The following CDC5L variants were observed in gnomAD, a reference collection of about 807,000 sequenced individuals.
CDC5L encodes cell division cycle 5 like.
A neutral mutation model predicts 104.1 loss-of-function variants in CDC5L; 18 were observed. The observed-to-expected ratio is 0.17, with a 90% confidence interval of 0.12 to 0.26. The LOEUF (loss-of-function observed/expected upper bound fraction) is 0.26. CDC5L is among the 10% of genes least tolerant of loss of function. The probability of loss-of-function intolerance (pLI) is 1.00; values close to 1 mark genes in which losing one functional copy is unlikely to be tolerated. For synonymous variants in CDC5L, 331 were observed against 322.7 expected (o/e 1.03, Z -0.28); for missense variants, 673 against 956.9 (o/e 0.70, Z 3.91).
At chr6:44,423,591 G>C (rs1313334061) in intron 10 of CDC5L, among the ~76,000 whole-genome samples, 12 of 152,152 alleles carry the variant, frequency 7.9e-5, no homozygotes, top group Admixed American at 7.9e-4. Flanking sequence ...GAAGGAGGGT[G>C]GGGGCTGTCT....
At chr6:44,424,971 C>T (rs856598) in intron 11 of CDC5L, among the ~76,000 whole-genome samples, 2,405 of 152,122 alleles carry the variant, frequency 0.016, 26 homozygotes, top group African/African-American at 0.028. Flanking sequence ...CTCAGCTGCT[C>T]GAGAGGCTGA....
intron 9 of CDC5L, among the ~76,000 whole-genome samples, chr6:44,420,593 G>A (rs952424307): frequency 2.0e-5 from 3 of 151,796 alleles, no homozygotes; most frequent in Non-Finnish European, 4.4e-5. Context: ...CCTGACCTCA[G>A]GTAATCCACC....
chr6:44,393,084 T>C (rs997833445), intron 3 of CDC5L, among the ~76,000 whole-genome samples: 5 of 148,862 alleles, frequency 3.4e-5, no homozygotes, highest in Admixed American at 3.4e-4. Flanking sequence ...GGGGAAAAAA[T>C]AGTAAAAGAG....
chr6:44,434,521 A>G (rs943082852), intron 14 of CDC5L, among the ~76,000 whole-genome samples: 2 of 152,164 alleles, frequency 1.3e-5, no homozygotes, highest in African/African-American at 2.4e-5. Context: ...CTTGACTATT[A>G]TATGGGATCA....
intron 9 of CDC5L, among the ~76,000 whole-genome samples, chr6:44,421,145 A>G (rs953020342): frequency 1.2e-4 from 18 of 152,186 alleles, no homozygotes; most frequent in Admixed American, 2.6e-4. Flanking sequence ...ATATTTTACT[A>G]TATTTGCTTT....
chr6:44,405,536 G>A (rs11571948), intron 6 of CDC5L, among the ~76,000 whole-genome samples: 2,052 of 152,236 alleles, frequency 0.013, 22 homozygotes, highest in East Asian at 0.04. Flanking sequence ...TATTAAGACA[G>A]CCTTTTTAAA....
chr6:44,414,910 G>A (rs1257386063), intron 8 of CDC5L, among the ~76,000 whole-genome samples: 6 of 152,004 alleles, frequency 3.9e-5, no homozygotes, highest in African/African-American at 1.4e-4. Flanking sequence ...TATAGTTTTA[G>A]TGCTTACATT....
At position 44,392,803 on chromosome 6, in the gene CDC5L, T is replaced by G; in HGVS notation, c.286T>G (p.Cys96Gly). The G allele has an allele frequency of 6.2e-7, 1 of 1,614,038 alleles. No homozygotes were observed. Among genetic ancestry groups the G allele is most frequent in the Non-Finnish European group, 8.5e-7 (1 of 1,179,930 alleles). Residue 96 changes from cysteine to glycine, a missense_variant, in exon 3 of 16, where the codon TGC becomes GGC. Transcript: ENST00000371477. ...APIIGRTAAQ[C>G]LEHYEFLLDK... The stretch of plus-strand genomic sequence containing the variant: ...AATCATTGGAAGAACAGCGGCCCAG[T>G]GCTTAGAACACTATGAATTTCTTCT...
At chr6:44,391,015 A>C (rs867504291) in intron 2 of CDC5L, among the ~76,000 whole-genome samples, 1 of 120,042 alleles carries the variant, frequency 8.3e-6, no homozygotes, top group East Asian at 2.1e-4. Flanking sequence ...GTTATATATT[A>C]TATATTAAAC....
chr6:44,437,371 G>A lies in CDC5L; in HGVS notation c.2091+7461G>A, dbSNP rs189932729. Reference sequence around the variant, plus strand: ...GTGTTTTAATAATCAAATGACAGGCGTAAGATAACTAAGTTCAACTTGAAT... The same window carrying A: ...GTGTTTTAATAATCAAATGACAGGCATAAGATAACTAAGTTCAACTTGAAT... On this transcript the variant is annotated intron_variant, in intron 14 of 15. Coordinates refer to ENST00000371477, the MANE Select transcript of CDC5L (RefSeq NM_001253.4). Among the ~76,000 whole-genome samples, 178 of 152,272 alleles carry A rather than the reference G, an allele frequency of 1.2e-3. 1 individual carries two copies. The highest frequency in any genetic ancestry group is 4.0e-3 in the African/African-American group (167 of 41,554).
At chr6:44,440,573 A>G (rs1793137741) in intron 14 of CDC5L, among the ~76,000 whole-genome samples, 1 of 152,106 alleles carries the variant, frequency 6.6e-6, no homozygotes, top group Non-Finnish European at 1.5e-5. Context: ...TTAATTGACA[A>G]ATAATAATTG....
Position 44,449,525 on chromosome 6 carries a change from G to A in CDC5L, c.*2814G>A, listed in dbSNP as rs1236456532. 1 of 152,078 alleles carries A rather than the reference G, an allele frequency of 6.6e-6. No individual in the cohort carries two copies. The allele number at this position is 152,078 out of a possible 1,614,324, so 9.4% of individuals were successfully genotyped here. On this transcript the variant is annotated 3_prime_UTR_variant, in exon 16 of 16. Coordinates refer to ENST00000371477, the MANE Select transcript of CDC5L (RefSeq NM_001253.4). ...AATAATAAAAATAACATTCACATTGGTATTGTTCACTAAGGTATTGGTTGT... is the reference window on the plus strand; with the variant it reads ...AATAATAAAAATAACATTCACATTGATATTGTTCACTAAGGTATTGGTTGT...
At chr6:44,419,316 T>C (rs982948402) in intron 8 of CDC5L, 133 bp from the exon 9 acceptor site, 1 of 752,020 alleles carries the variant, frequency 1.3e-6, no homozygotes, top group African/African-American at 1.8e-5. Flanking sequence ...TGGTATTCAT[T>C]TTCTCTGTTA....
intron 14 of CDC5L, among the ~76,000 whole-genome samples, chr6:44,439,854 A>C (rs767507374): frequency 5.3e-5 from 8 of 152,168 alleles, no homozygotes; most frequent in African/African-American, 1.9e-4. Context: ...AGAAATGGAG[A>C]CACATAGGTT....
At chr6:44,407,239 AG>A (rs1293395374) in intron 7 of CDC5L, among the ~76,000 whole-genome samples, 1 of 152,102 alleles carries the variant, frequency 6.6e-6, no homozygotes, top group African/African-American at 2.4e-5. Context: ...TGTGGAGAAA[AG>A]CGATACAAAC....
intron 14 of CDC5L, among the ~76,000 whole-genome samples, chr6:44,436,145 G>A (rs1197307514): frequency 1.3e-5 from 2 of 152,146 alleles, no homozygotes; most frequent in African/African-American, 2.4e-5. Context: ...GATACTGTAT[G>A]ATTAGCAAAT....
At chr6:44,396,282 C>A in intron 4 of CDC5L, 59 bp from the exon 5 acceptor site, 1 of 1,083,832 alleles carries the variant, frequency 9.2e-7, no homozygotes, top group Non-Finnish European at 1.4e-6. Context: ...ACATACCTTG[C>A]TTCTAGAGTA....
intron 10 of CDC5L, among the ~76,000 whole-genome samples, chr6:44,423,433 T>G (rs1367143780): frequency 6.6e-6 from 1 of 152,176 alleles, no homozygotes; most frequent in African/African-American, 2.4e-5. Flanking sequence ...CTGGGGAGAT[T>G]GACAGTACTA....
At chr6:44,412,843 C>T (rs578130784) in intron 8 of CDC5L, among the ~76,000 whole-genome samples, 83 of 127,368 alleles carry the variant, frequency 6.5e-4, no homozygotes, top group South Asian at 2.3e-3. Flanking sequence ...AGTGCAGTGG[C>T]GGGATCTCGG....
Sources: gnomAD v4.1 joint callset for allele counts (sites outside exome capture counted in the v4.1 genomes callset) on GRCh38, gnomAD v4.1.1 for gene constraint, MANE v1.5 for transcripts, NCBI Gene and HGNC (gene_info 2026-07-23, HGNC 2026-07-21) for gene names.